ATP10B: variants seen among roughly 807,000 people sequenced by gnomAD.
The protein encoded by ATP10B is phospholipid-transporting ATPase VB.
A neutral mutation model predicts 141.2 loss-of-function variants in ATP10B; 122 were observed. The observed-to-expected ratio is 0.86, with a 90% CI of 0.75 to 1.00. ATP10B has a LOEUF of 1.00. Among genes scored for constraint, ATP10B ranks in the 50% least tolerant of loss-of-function variants. The probability of loss-of-function intolerance (pLI) is 0.00; values close to 1 mark genes in which losing one functional copy is unlikely to be tolerated. For missense variants in ATP10B, 1,876 were observed against 1,825.3 expected (o/e 1.03, Z -0.51); for synonymous variants, 685 against 692.0 (o/e 0.99, Z 0.16).
At chr5:160,565,967 A>AGAT (rs1488610778) in intron 25 of ATP10B, 67 bp from the exon 26 acceptor site, 1 of 1,454,968 alleles carries the variant, frequency 6.9e-7, no homozygotes, top group East Asian at 2.3e-5. Context: ...CAGCATTAAA[A>AGAT]GATAGTCTTT....
At chr5:160,812,404 T>C (rs1480928967) in intron 1 of ATP10B, among the ~76,000 whole-genome samples, 1 of 118,284 alleles carries the variant, frequency 8.5e-6, no homozygotes, top group Non-Finnish European at 2.0e-5. Flanking sequence ...CTAAATGGAC[T>C]AAATAAGGTA....
intron 1 of ATP10B, among the ~76,000 whole-genome samples, chr5:160,829,358 C>T (rs1473723040): frequency 6.6e-6 from 1 of 152,130 alleles, no homozygotes; most frequent in African/African-American, 2.4e-5. Context: ...GGTTACTGCA[C>T]GCTTATAGTA....
intron 8 of ATP10B, among the ~76,000 whole-genome samples, chr5:160,647,085 A>G (rs1760338133): frequency 6.6e-6 from 1 of 152,132 alleles, no homozygotes; most frequent in South Asian, 2.1e-4. Context: ...CTGGTTGAGA[A>G]CCACTGCTCT....
chr5:160,754,478 G>A (rs1202264142), intron 2 of ATP10B, among the ~76,000 whole-genome samples: 1 of 152,180 alleles, frequency 6.6e-6, no homozygotes, highest in East Asian at 1.9e-4. Context: ...GATGAGGTAT[G>A]GCAAGGGTCT....
At chr5:160,914,769 G>A in the ATP10B span, among the ~76,000 whole-genome samples, 1 of 152,158 alleles carries the variant, frequency 6.6e-6, no homozygotes, top group Admixed American at 6.5e-5. Context: ...ATGAAATGGA[G>A]GAGGTAGACT....
chr5:160,701,831 C>T (rs1764701762), intron 3 of ATP10B, among the ~76,000 whole-genome samples: 1 of 151,714 alleles, frequency 6.6e-6, no homozygotes, highest in Admixed American at 6.6e-5. Flanking sequence ...GAGCAGTCAC[C>T]CTTCTATTCT....
intron 6 of ATP10B, among the ~76,000 whole-genome samples, chr5:160,677,494 G>T (rs540798250): frequency 6.6e-6 from 1 of 152,114 alleles, no homozygotes; most frequent in African/African-American, 2.4e-5. Flanking sequence ...AGTCCTCCCC[G>T]AGGCCCATTT....
chr5:160,823,311 T>C (rs1185216958), intron 1 of ATP10B, among the ~76,000 whole-genome samples: 1 of 151,766 alleles, frequency 6.6e-6, no homozygotes, highest in Admixed American at 6.6e-5. Flanking sequence ...ACAACACATG[T>C]TCATACTTAT....
At position 160,687,894 on chromosome 5, in the gene ATP10B, CT is replaced by C; in HGVS notation, c.180del (p.Glu61ArgfsTer42). On this transcript the variant is annotated frameshift_variant, in exon 5 of 26. Coordinates refer to ENST00000327245, the MANE Select transcript of ATP10B (RefSeq NM_025153.3). LOFTEE classifies it high-confidence loss of function. ...TTGCCAGGGTATCTCCTGGAGACCT[CT>C]TCCCAATCTTGATGGAATATGCTGT... ...PNNSIFHQDW[E>X]EVSRRYPGNR... 6.2e-7 allele frequency: 1 copy of C among 1,614,156 alleles called. No individual in the cohort carries two copies. The highest frequency in any genetic ancestry group is 8.5e-7 in the Non-Finnish European group (1 of 1,180,034).
intron 11 of ATP10B, 116 bp from the exon 12 acceptor site, chr5:160,634,722 ACT>A (rs1759227099): frequency 9.8e-6 from 11 of 1,119,950 alleles, no homozygotes; most frequent in Middle Eastern, 2.7e-4. Flanking sequence ...CACAGGACAG[ACT>A]CTCTGTGAAA....
intron 2 of ATP10B, among the ~76,000 whole-genome samples, chr5:160,762,452 G>A (rs1318307232): frequency 6.6e-6 from 1 of 152,118 alleles, no homozygotes; most frequent in Non-Finnish European, 1.5e-5. Context: ...TTTGTATCCA[G>A]CAAAACTAAG....
Position 160,565,525 on chromosome 5 carries a change from T to G in ATP10B, c.4314A>C (p.Arg1438Ser), listed in dbSNP as rs767876605. 6.2e-7 allele frequency: 1 copy of G among 1,614,114 alleles called. No homozygotes were observed. Among genetic ancestry groups the G allele is most frequent in the Non-Finnish European group, 8.5e-7 (1 of 1,179,986 alleles). ...LGPNRIMAYS[R>S]GQTDMCRCSK... The stretch of plus-strand genomic sequence containing the variant: ...AGCACCGGCACATATCAGTCTGTCC[T>G]CTTGAGTAGGCCATTATCCTGTTAG... The change falls in exon 26 of 26, where the codon AGA (arginine) becomes AGC (serine). Residue 1438 changes from arginine (R) to serine (S), a missense_variant. Coordinates refer to ENST00000327245, the MANE Select transcript of ATP10B (RefSeq NM_025153.3).
At chr5:160,783,268 G>A (rs545096353) in intron 2 of ATP10B, among the ~76,000 whole-genome samples, 68 of 151,566 alleles carry the variant, frequency 4.5e-4, no homozygotes, top group Non-Finnish European at 5.7e-4. Flanking sequence ...AACATACGAC[G>A]TTTGGTTTCC....
intron 1 of ATP10B, among the ~76,000 whole-genome samples, chr5:160,788,125 G>T (rs1440451885): frequency 1.3e-5 from 2 of 152,150 alleles, no homozygotes; most frequent in African/African-American, 4.8e-5. Flanking sequence ...CCAGTGAGAT[G>T]ACCTCTAGAA....
chr5:160,772,942 C>T (rs1222544573), intron 2 of ATP10B, among the ~76,000 whole-genome samples: 2 of 152,208 alleles, frequency 1.3e-5, no homozygotes, highest in Admixed American at 6.5e-5. Flanking sequence ...AAAACCAGGA[C>T]TGTATGGACC....
the ATP10B span, among the ~76,000 whole-genome samples, chr5:160,877,910 A>G: frequency 2.0e-5 from 3 of 150,916 alleles, no homozygotes; most frequent in Admixed American, 6.6e-5. Flanking sequence ...AGAACATTCC[A>G]TGCTCATGGG....
intron 6 of ATP10B, among the ~76,000 whole-genome samples, chr5:160,679,713 T>C (rs181944336): frequency 3.4e-4 from 52 of 152,346 alleles, no homozygotes; most frequent in Admixed American, 3.4e-3. Context: ...AAGTCTTGAA[T>C]TAAAATTTGC....
At chr5:160,829,025 G>A (rs1774857378) in intron 1 of ATP10B, among the ~76,000 whole-genome samples, 1 of 132,766 alleles carries the variant, frequency 7.5e-6, no homozygotes, top group Non-Finnish European at 1.6e-5. Context: ...CATGGACACA[G>A]GAAGGGGAAC....
the ATP10B span, among the ~76,000 whole-genome samples, chr5:160,916,536 T>C: frequency 1.3e-5 from 2 of 152,346 alleles, no homozygotes; most frequent in Admixed American, 1.3e-4. Flanking sequence ...TTGTGAGTAC[T>C]GATGGTGTTC....
Sources: allele counts gnomAD v4.1 joint callset (sites outside exome capture counted in the v4.1 genomes callset), GRCh38; gene constraint gnomAD v4.1.1; transcripts MANE v1.5; gene names NCBI Gene and HGNC (gene_info 2026-07-23, HGNC 2026-07-21).